The following DENND4B variants were observed in gnomAD, a reference collection of about 807,000 sequenced individuals.
The protein encoded by DENND4B is DENN domain-containing protein 4B.
DENND4B carries 67 observed loss-of-function variants against 161.0 expected under a neutral mutation model. That is an observed-to-expected ratio of 0.42 (90% CI 0.34 to 0.51). The LOEUF (loss-of-function observed/expected upper bound fraction) is 0.51. DENND4B is among the 20% of genes least tolerant of loss of function. DENND4B has a pLI of 0.08. For synonymous variants in DENND4B, 753 were observed against 813.8 expected, an observed-to-expected ratio of 0.93 and a Z score of 1.27; for missense variants, 1,481 against 1,968.0, an observed-to-expected ratio of 0.75 and a Z score of 4.68.
In DENND4B at chr1:153,942,026, C is replaced by T. The variant is rs374103509; in HGVS notation, c.898G>A (p.Ala300Thr). 7.4e-6 allele frequency: 12 copies of T among 1,611,306 alleles called. No individual in the cohort carries two copies. The highest frequency in any genetic ancestry group is 4.0e-5 in the African/African-American group (3 of 74,880). Residue 300 changes from alanine to threonine, a missense_variant, in exon 6 of 28, where the codon GCC (alanine) becomes ACC (threonine). By Grantham distance (58) the Ala-to-Thr change is moderately conservative. Coordinates refer to ENST00000361217, the MANE Select transcript of DENND4B (RefSeq NM_014856.3). The surrounding 1 kb of genome is among the most constrained non-coding windows in gnomAD (Gnocchi z 6.9). ...CCCAGTGCCCGACCCCGCTCCACGG[C>T]GCTCAGCAGGCCCAGTGCCCGTGCC... The part of the protein sequence containing the change: ...RQARALGLLS[A>T]VERGRALGGR...
Position 153,934,852 on chromosome 1 carries a change from C to T in DENND4B, c.2681G>A (p.Arg894Gln), listed in dbSNP as rs369684143. ...CTGTTGCTGCTGCTGCTGCTGTTGC[C>T]GTTCTCTCAAGGGCTGGCGGAACTG... Reference protein sequence around the residue: ...AAQFRQPLRERQQQQQQQQQQ... With the variant: ...AAQFRQPLREQQQQQQQQQQQ... Residue 894 changes from arginine to glutamine, a missense_variant, in exon 18 of 28, where the codon CGG becomes CAG. By Grantham distance (43) the Arg-to-Gln change is conservative (BLOSUM62 1). Coordinates refer to ENST00000361217, the MANE Select transcript of DENND4B (RefSeq NM_014856.3). The surrounding 1 kb of genome is among the most constrained non-coding windows in gnomAD (Gnocchi z 5.3). 7.9e-5 allele frequency: 127 copies of T among 1,611,976 alleles called. No homozygotes were observed. The highest frequency in any genetic ancestry group is 1.0e-4 in the Non-Finnish European group (123 of 1,179,338).
intron 13 of DENND4B, among the ~76,000 whole-genome samples, chr1:153,938,564 T>C (rs1161992294): frequency 2.6e-5 from 4 of 151,398 alleles, no homozygotes; most frequent in Non-Finnish European, 4.4e-5. Flanking sequence ...TAGCCAGGCG[T>C]GGTGGCGGGC....
At chr1:153,939,107 G>C in intron 12 of DENND4B, 62 bp from the exon 13 acceptor site, 1 of 1,574,268 alleles carries the variant, frequency 6.4e-7, no homozygotes, top group Non-Finnish European at 8.6e-7. Context: ...CACAGCCATA[G>C]CTTTTTTGAA....
chr1:153,933,426 T>C lies in DENND4B; in HGVS notation c.3330+57A>G, dbSNP rs1470743105. 2 of 1,599,362 alleles carry C rather than the reference T, an allele frequency of 1.3e-6. No individual in the cohort carries two copies. The highest frequency in any genetic ancestry group is 2.7e-5 in the African/African-American group (2 of 74,636). On this transcript the variant is annotated intron_variant, in intron 20 of 27. Coordinates refer to ENST00000361217, the MANE Select transcript of DENND4B (RefSeq NM_014856.3). This position sits in a 1 kb window ranked among gnomAD's most constrained non-coding sequence, Gnocchi z 5.7. The stretch of plus-strand genomic sequence containing the variant: ...CCCTTTTTGAGCATTCTTCCAGTCG[T>C]AGCCCCTCCCCAAGCCCACTAATGC...
In DENND4B at chr1:153,939,618, C is replaced by T. The variant is rs373574654; in HGVS notation, c.1790G>A (p.Arg597His). Residue 597 changes from arginine (R) to histidine (H), a missense_variant, in exon 12 of 28, where the codon CGT becomes CAT. Transcript: ENST00000361217. ...PLTQAPSEGARDVDNLFFLQG... is the reference protein window; with the variant it reads ...PLTQAPSEGAHDVDNLFFLQG... Reference sequence around the variant, plus strand: ...CAGGAAGAAAAGGTTGTCAACATCACGAGCTCCCTCGGAGGGGGCCTGGGT... The same window carrying T: ...CAGGAAGAAAAGGTTGTCAACATCATGAGCTCCCTCGGAGGGGGCCTGGGT... The T allele has an allele frequency of 3.5e-5, 57 of 1,611,140 alleles. No homozygotes were observed. Among genetic ancestry groups the T allele is most frequent in the African/African-American group, 1.1e-4 (8 of 74,820 alleles).
In DENND4B at chr1:153,933,372, G is replaced by T; in HGVS notation, c.3331-53C>A. The T allele has an allele frequency of 6.2e-7, 1 of 1,612,178 alleles. No individual in the cohort carries two copies. Among genetic ancestry groups the T allele is most frequent in the South Asian group, 1.1e-5 (1 of 90,814 alleles). On this transcript the variant is annotated intron_variant, in intron 20 of 27. Transcript: ENST00000361217. The surrounding 1 kb of genome is among the most constrained non-coding windows in gnomAD (Gnocchi z 5.7). Reference sequence around the variant, plus strand: ...GCCAACCCCATGCTCTTCCACCCAGGATATGTGTTTCAAGCACCCCTCAGA... The same window carrying T: ...GCCAACCCCATGCTCTTCCACCCAGTATATGTGTTTCAAGCACCCCTCAGA...
Position 153,942,890 on chromosome 1 carries a change from G to A in DENND4B, c.558C>T (p.Leu186=), listed in dbSNP as rs954819882. The change falls in exon 3 of 28, where the codon CTC becomes CTT. Residue 186 remains leucine, a synonymous_variant. Transcript: ENST00000361217. The surrounding 1 kb of genome is among the most constrained non-coding windows in gnomAD (Gnocchi z 6.9). ...PHTYCRLPRN[L]NPGMWGPAVY... ...TGGCCCCACTCACCATGCCAGGGTTGAGGTTGCGGGGCAGCCGGCAGTAAG... is the reference window on the plus strand; with the variant it reads ...TGGCCCCACTCACCATGCCAGGGTTAAGGTTGCGGGGCAGCCGGCAGTAAG... 3 of 1,600,506 alleles carry A rather than the reference G, an allele frequency of 1.9e-6. No individual in the cohort carries two copies. The highest frequency in any genetic ancestry group is 1.7e-6 in the Non-Finnish European group (2 of 1,169,802).
Position 153,930,223 on chromosome 1 carries a change from G to A in DENND4B, c.*74C>T. Reference sequence around the variant, plus strand: ...TGTTCCCAACTCCATGAAGGCAACAGGGAAGCAGTTTAACTCTAGAATCCC... The same window carrying A: ...TGTTCCCAACTCCATGAAGGCAACAAGGAAGCAGTTTAACTCTAGAATCCC... On this transcript the variant is annotated 3_prime_UTR_variant, in exon 28 of 28. Coordinates refer to ENST00000361217, the MANE Select transcript of DENND4B (RefSeq NM_014856.3). This position sits in a 1 kb window ranked among gnomAD's most constrained non-coding sequence, Gnocchi z 4.7. 6.5e-7 allele frequency: 1 copy of A among 1,526,916 alleles called. No individual in the cohort carries two copies. Among genetic ancestry groups the A allele is most frequent in the Non-Finnish European group, 8.8e-7 (1 of 1,131,460 alleles). The allele number at this position is 1,526,916 out of a possible 1,614,324, so 94.6% of individuals were successfully genotyped here.
At position 153,942,757 on chromosome 1, in the gene DENND4B, A is replaced by C; in HGVS notation, c.570+121T>G. The C allele has an allele frequency of 1.3e-6, 2 of 1,482,248 alleles. No homozygotes were observed. Among genetic ancestry groups the C allele is most frequent in the African/African-American group, 1.4e-5 (1 of 70,952 alleles). The allele number at this position is 1,482,248 out of a possible 1,614,324, so 91.8% of individuals were successfully genotyped here. A position where few individuals can be genotyped will look rare whatever the true frequency, so the allele number is the denominator to read the frequency against. On this transcript the variant is annotated intron_variant, in intron 3 of 27. Transcript: ENST00000361217. This position sits in a 1 kb window ranked among gnomAD's most constrained non-coding sequence, Gnocchi z 6.9. ...ATTAATCCCAGTGCCCCAAGACCAG[A>C]GTTACCCCTCTGGACTCACCCCTGT... is the stretch of plus-strand genomic sequence containing the variant.
At chr1:153,945,806 G>C (rs1679929333) in intron 1 of DENND4B, among the ~76,000 whole-genome samples, 1 of 152,220 alleles carries the variant, frequency 6.6e-6, no homozygotes. Context: ...CAGGACCTGC[G>C]CACCGGGGCC....
At position 153,937,244 on chromosome 1, in the gene DENND4B, G is replaced by C. The variant is rs966680821; in HGVS notation, c.2232+244C>G. ...TTGAGCATGGGCAGGTGCCCTAGAA[G>C]ACATGGCCAGCCCCTGGATTCCCAG... On this transcript the variant is annotated intron_variant, in intron 15 of 27. Coordinates refer to ENST00000361217, the MANE Select transcript of DENND4B (RefSeq NM_014856.3). The surrounding 1 kb of genome is among the most constrained non-coding windows in gnomAD (Gnocchi z 4.7). 1.3e-5 allele frequency among the ~76,000 whole-genome samples: 2 copies of C among 152,256 alleles called. No individual in the cohort carries two copies. The highest frequency in any genetic ancestry group is 4.8e-5 in the African/African-American group (2 of 41,470).
Position 153,930,432 on chromosome 1 carries a change from A to T in DENND4B, c.4356T>A (p.Asp1452Glu). 1 of 1,613,864 alleles carries T rather than the reference A, an allele frequency of 6.2e-7. No individual in the cohort carries two copies. The highest frequency in any genetic ancestry group is 8.5e-7 in the Non-Finnish European group (1 of 1,179,824). Reference sequence around the variant, plus strand: ...TGTTAAAGGCAGACTTGTACTTCTTATCGAAGGCCACTAGGGAAGAAGGTG... The same window carrying T: ...TGTTAAAGGCAGACTTGTACTTCTTTTCGAAGGCCACTAGGGAAGAAGGTG... ...GKDHVDIVAF[D>E]KKYKSAFNKL... is the part of the protein sequence containing the mutation. Residue 1452 changes from aspartate (D) to glutamate (E), a missense_variant, in exon 28 of 28, where the codon GAT (aspartate) becomes GAA (glutamate). Transcript: ENST00000361217. The surrounding 1 kb of genome is among the most constrained non-coding windows in gnomAD (Gnocchi z 4.7).
rs1342454103 is a variant in DENND4B at position 153,932,211 on chromosome 1, T to G, written c.3989A>C (p.His1330Pro). Residue 1330 changes from histidine to proline, a missense_variant, in exon 24 of 28, where the codon CAC becomes CCC. This residue lies in a region of DENND4B where 336 missense variants were observed against 503.3 expected (regional missense o/e 0.67). Transcript: ENST00000361217. The surrounding 1 kb of genome is among the most constrained non-coding windows in gnomAD (Gnocchi z 5.8). Reference sequence around the variant, plus strand: ...CCACATGGGGGCACTGACCTGGGAGTGCGAAGGCCCATCACAGGAGGCCAG... The same window carrying G: ...CCACATGGGGGCACTGACCTGGGAGGGCGAAGGCCCATCACAGGAGGCCAG... ...LVLASCDGPS[H>P]SQAPSPWLTP... The G allele has an allele frequency of 1.2e-6, 2 of 1,613,036 alleles. No homozygotes were observed. Among genetic ancestry groups the G allele is most frequent in the Admixed American group, 3.3e-5 (2 of 59,930 alleles).
Position 153,933,508 on chromosome 1 carries a change from T to TC in DENND4B, c.3304dup (p.Glu1102GlyfsTer17). On this transcript the variant is annotated frameshift_variant, in exon 20 of 28. Coordinates refer to ENST00000361217, the MANE Select transcript of DENND4B (RefSeq NM_014856.3). LOFTEE classifies it high-confidence loss of function. The surrounding 1 kb of genome is among the most constrained non-coding windows in gnomAD (Gnocchi z 5.7). ...CTCGGAGGCAGTGGATCCAGGGCGCTCCCGGGGGTGCAGAAGACTGTCCAT... is the reference window on the plus strand; with the variant it reads ...CTCGGAGGCAGTGGATCCAGGGCGCTCCCCGGGGGTGCAGAAGACTGTCCAT... 1 of 1,552,606 alleles carries TC rather than the reference T, an allele frequency of 6.4e-7. No homozygotes were observed. Among genetic ancestry groups the TC allele is most frequent in the Non-Finnish European group, 8.7e-7 (1 of 1,149,708 alleles).
intron 24 of DENND4B, among the ~76,000 whole-genome samples, chr1:153,931,560 C>G (rs1361373585): frequency 6.7e-6 from 1 of 150,142 alleles, no homozygotes; most frequent in Non-Finnish European, 1.5e-5. Context: ...TGCAGTGGCG[C>G]GATCTCAGCT....
intron 7 of DENND4B, 40 bp downstream of exon 7, chr1:153,941,333 TC>T: frequency 6.2e-7 from 1 of 1,613,176 alleles, no homozygotes; most frequent in Admixed American, 1.7e-5. Context: ...TGATGCCAAC[TC>T]CCCTCCTTCC....
Position 153,946,616 on chromosome 1 carries a change from G to T in DENND4B, c.-339C>A, listed in dbSNP as rs923500671. 1 of 385,470 alleles carries T rather than the reference G, an allele frequency of 2.6e-6. No individual in the cohort carries two copies. The highest frequency in any genetic ancestry group is 2.1e-5 in the African/African-American group (1 of 47,812). 23.9% of individuals were successfully genotyped at this position (385,470 alleles called of 1,614,324 possible). A position where few individuals can be genotyped will look rare whatever the true frequency, so the allele number is the denominator to read the frequency against. On this transcript the variant is annotated 5_prime_UTR_variant, in exon 1 of 28. Coordinates refer to ENST00000361217, the MANE Select transcript of DENND4B (RefSeq NM_014856.3). This position sits in a 1 kb window ranked among gnomAD's most constrained non-coding sequence, Gnocchi z 6.3. The stretch of plus-strand genomic sequence containing the variant: ...CCGGGGACCCAGCGTTCCTCCGCGC[G>T]CCCCGCTTTCTCTACTCCCCCAACC...
rs774453313 is a variant in DENND4B at position 153,937,909 on chromosome 1, G to A, written c.1966-46C>T. ...AGCAAGTGTTGAGATGGTGGGCATGGAGCAGAGCCAGGGTGTCTAGACGAT... is the reference window on the plus strand; with the variant it reads ...AGCAAGTGTTGAGATGGTGGGCATGAAGCAGAGCCAGGGTGTCTAGACGAT... On this transcript the variant is annotated intron_variant, in intron 13 of 27. Transcript: ENST00000361217. This position sits in a 1 kb window ranked among gnomAD's most constrained non-coding sequence, Gnocchi z 4.7. 4.0e-5 allele frequency: 65 copies of A among 1,612,840 alleles called. 2 individuals are homozygous for A. In the South Asian group the frequency reaches 6.7e-4, roughly 17 times the overall value.
At chr1:153,939,504 A>C (rs1571050713) in intron 12 of DENND4B, 85 bp downstream of exon 12, 1 of 1,427,766 alleles carries the variant, frequency 7.0e-7, no homozygotes. Context: ...AGTGGCTCCC[A>C]GTCCCCTCCG....
Sources: gnomAD v4.1 joint callset for allele counts (sites outside exome capture counted in the v4.1 genomes callset) on GRCh38, gnomAD v4.1.1 for gene constraint, gnomAD v4.1.1 regional missense constraint, Gnocchi (gnomAD v3.1) non-coding constraint, MANE v1.5 for transcripts, NCBI Gene and HGNC (gene_info 2026-07-23, HGNC 2026-07-21) for gene names.